The following NME7 variants were observed in gnomAD, a reference collection of about 807,000 sequenced individuals.
NME7 encodes the protein NME/NM23 family member 7.
A neutral mutation model predicts 49.1 loss-of-function variants in NME7; 41 were observed. The observed-to-expected ratio is 0.83, with a 90% CI of 0.65 to 1.08. The LOEUF is 1.08. NME7 is among the 50% of genes least tolerant of loss of function. The probability of loss-of-function intolerance (pLI) is 0.00; values close to 1 mark genes in which losing one functional copy is unlikely to be tolerated. For synonymous variants in NME7, 139 were observed against 150.6 expected (o/e 0.92, Z 0.56); for missense variants, 423 against 463.4 (o/e 0.91, Z 0.80).
chr1:169,275,141 A>C lies in NME7; in HGVS notation c.754+12162T>G, dbSNP rs558716931. 1.7e-3 allele frequency among the ~76,000 whole-genome samples: 221 copies of C among 131,702 alleles called. 24 individuals carry two copies. Among genetic ancestry groups the C allele is most frequent in the African/African-American group, 5.2e-3 (205 of 39,114 alleles). The allele number at this position is 131,702 out of a possible 152,430, so 86.4% of individuals were successfully genotyped here. A position where few individuals can be genotyped will look rare whatever the true frequency, so the allele number is the denominator to read the frequency against. On this transcript the variant is annotated intron_variant, in intron 7 of 11. Transcript: ENST00000367811. The stretch of plus-strand genomic sequence containing the variant: ...ACTTGTTTGTATCCTCTTTTATTTC[A>C]CTGAGCAATGGTTTGTAGTTCTCCT...
intron 10 of NME7, among the ~76,000 whole-genome samples, chr1:169,219,503 C>A (rs1661075504): frequency 1.3e-5 from 2 of 152,110 alleles, no homozygotes; most frequent in South Asian, 2.1e-4. Context: ...CCCCAAGATA[C>A]CAGAGGATGG....
chr1:169,346,001 A>C (rs1459924921), intron 1 of NME7, among the ~76,000 whole-genome samples: 1 of 152,150 alleles, frequency 6.6e-6, no homozygotes, highest in Admixed American at 6.5e-5. Flanking sequence ...CCATAGATCT[A>C]ATTCATCAGG....
chr1:169,183,758 C>A (rs753887818), intron 10 of NME7, among the ~76,000 whole-genome samples: 1 of 151,818 alleles, frequency 6.6e-6, no homozygotes, highest in African/African-American at 2.4e-5. Flanking sequence ...GCCGAGATCA[C>A]GCCACTGTGC....
intron 10 of NME7, among the ~76,000 whole-genome samples, chr1:169,221,559 A>G (rs1036236188): frequency 2.0e-5 from 3 of 152,072 alleles, no homozygotes; most frequent in Non-Finnish European, 2.9e-5. Flanking sequence ...TTATATGTAT[A>G]TATGTTTACA....
chr1:169,133,181 A>C (rs978111928), intron 11 of NME7, among the ~76,000 whole-genome samples: 6 of 152,148 alleles, frequency 3.9e-5, no homozygotes, highest in African/African-American at 1.2e-4. Context: ...TTTTTGGTTC[A>C]GGGATTGGCC....
At chr1:169,362,185 G>T (rs1296263623) in intron 1 of NME7, among the ~76,000 whole-genome samples, 1 of 152,184 alleles carries the variant, frequency 6.6e-6, no homozygotes, top group Admixed American at 6.5e-5. Context: ...TCCAGCCAGG[G>T]TGATAGAGTG....
chr1:169,192,762 A>G (rs1557981905), intron 10 of NME7, among the ~76,000 whole-genome samples: 1 of 152,274 alleles, frequency 6.6e-6, no homozygotes, highest in East Asian at 1.9e-4. Flanking sequence ...TGAAAACAGT[A>G]TGCATGATGT....
rs964900458 is a variant in NME7, at chr1:169,279,988, T to C, written c.754+7315A>G. 6.6e-5 allele frequency among the ~76,000 whole-genome samples: 10 copies of C among 152,356 alleles called. No homozygotes were observed. In the South Asian group the frequency reaches 1.9e-3, roughly 28 times the overall value. ...TTTGGGTATATGCCTAGTAATGGGA[T>C]TGCTGGGCCAAATGGTATTTCCAAT... On this transcript the variant is annotated intron_variant, in intron 7 of 11. Coordinates refer to ENST00000367811, the MANE Select transcript of NME7 (RefSeq NM_013330.5).
chr1:169,227,136 A>G (rs1246080250), intron 10 of NME7, among the ~76,000 whole-genome samples: 1 of 152,198 alleles, frequency 6.6e-6, no homozygotes, highest in African/African-American at 2.4e-5. Context: ...AATGGGAATC[A>G]GCATTGTTTT....
Position 169,214,952 on chromosome 1 carries a change from C to T in NME7, c.990+15766G>A, listed in dbSNP as rs113369930. On this transcript the variant is annotated intron_variant, in intron 10 of 11. Coordinates refer to ENST00000367811, the MANE Select transcript of NME7 (RefSeq NM_013330.5). The stretch of plus-strand genomic sequence containing the variant: ...TGCCTTATGTGGGGCAGCTGCCCTC[C>T]GCCAGTGAGGGCAAAGGGCCAGTGT... 6.1e-3 allele frequency among the ~76,000 whole-genome samples: 927 copies of T among 152,336 alleles called. 8 individuals carry two copies. Among genetic ancestry groups the T allele is most frequent in the African/African-American group, 0.019 (809 of 41,582 alleles).
rs1371211082 is a variant in NME7 at position 169,268,428 on chromosome 1, C to A, written c.754+18875G>T. Among the ~76,000 whole-genome samples the A allele has an allele frequency of 2.2e-5, 3 of 133,928 alleles. 1 individual carries two copies. Among genetic ancestry groups the A allele is most frequent in the Non-Finnish European group, 5.3e-5 (3 of 56,920 alleles). The allele number at this position is 133,928 out of a possible 152,430, so 87.9% of individuals were successfully genotyped here. On this transcript the variant is annotated intron_variant, in intron 7 of 11. Coordinates refer to ENST00000367811, the MANE Select transcript of NME7 (RefSeq NM_013330.5). ...CATAAATACCATTTGACACAGCAAT[C>A]CCATTACTGGGTACATACCCAGAGG... is the stretch of plus-strand genomic sequence containing the variant.
intron 10 of NME7, among the ~76,000 whole-genome samples, chr1:169,224,846 G>T (rs998461180): frequency 7.9e-5 from 12 of 152,264 alleles, no homozygotes; most frequent in African/African-American, 2.6e-4. Context: ...GAAGTAGACA[G>T]ACGGTAAATA....
At chr1:169,195,629 T>A (rs1660357104) in intron 10 of NME7, among the ~76,000 whole-genome samples, 1 of 152,192 alleles carries the variant, frequency 6.6e-6, no homozygotes, top group Non-Finnish European at 1.5e-5. Context: ...GAGCAAATCG[T>A]TATCAAGTTT....
intron 8 of NME7, among the ~76,000 whole-genome samples, chr1:169,235,828 A>G (rs1157435833): frequency 6.6e-6 from 1 of 152,126 alleles, no homozygotes; most frequent in African/African-American, 2.4e-5. Context: ...AAGAACTGTA[A>G]AAGTGTGCTT....
At position 169,337,836 on chromosome 1, in the gene NME7, T is replaced by G. The variant is rs970937431; in HGVS notation, c.4-13336A>C. Among the ~76,000 whole-genome samples, 12 of 152,352 alleles carry G rather than the reference T, an allele frequency of 7.9e-5. No individual in the cohort carries two copies. In the South Asian group the frequency reaches 1.2e-3, roughly 16 times the overall value. ...TGTACCTATCCTTTATCAAATAGTC[T>G]TCCTCCAGGGCTTCCTTCAAAGACC... is the stretch of plus-strand genomic sequence containing the variant. On this transcript the variant is annotated intron_variant, in intron 1 of 11. Coordinates refer to ENST00000367811, the MANE Select transcript of NME7 (RefSeq NM_013330.5).
At chr1:169,306,345 G>C (rs1469594932) in intron 4 of NME7, among the ~76,000 whole-genome samples, 1 of 152,132 alleles carries the variant, frequency 6.6e-6, no homozygotes, top group Non-Finnish European at 1.5e-5. Context: ...AAATGGCATG[G>C]AGCAATCTTG....
At chr1:169,221,758 T>C (rs1289391814) in intron 10 of NME7, among the ~76,000 whole-genome samples, 1 of 151,980 alleles carries the variant, frequency 6.6e-6, no homozygotes, top group Non-Finnish European at 1.5e-5. Flanking sequence ...AGAGTCTCAC[T>C]CTGTCAGTCA....
intron 1 of NME7, among the ~76,000 whole-genome samples, chr1:169,348,913 T>G (rs1282704368): frequency 6.6e-6 from 1 of 151,578 alleles, no homozygotes; most frequent in Non-Finnish European, 1.5e-5. Flanking sequence ...AAAAAAAATT[T>G]TAAACATCGT....
chr1:169,308,739 C>CTTA (rs1651275134), intron 4 of NME7, among the ~76,000 whole-genome samples: 1 of 152,046 alleles, frequency 6.6e-6, no homozygotes, highest in Admixed American at 6.6e-5. Context: ...CCTTGCCATT[C>CTTA]TTACGGGGTT....
Sources: allele counts gnomAD v4.1 joint callset (sites outside exome capture counted in the v4.1 genomes callset), GRCh38; gene constraint gnomAD v4.1.1; transcripts MANE v1.5; gene names NCBI Gene and HGNC (gene_info 2026-07-23, HGNC 2026-07-21).